The following PLEKHA5 variants were observed in gnomAD, a reference collection of about 807,000 sequenced individuals.
PLEKHA5 encodes the protein pleckstrin homology domain-containing family A member 5.
PLEKHA5 carries 55 observed loss-of-function variants against 181.9 expected under a neutral mutation model. That is an observed-to-expected ratio of 0.30 (90% CI 0.24 to 0.38). The LOEUF (loss-of-function observed/expected upper bound fraction) is 0.38, where lower values mean the gene tolerates loss of function less well. Ranked by LOEUF, PLEKHA5 falls within the 10% of genes least tolerant of loss-of-function variation. The pLI, the probability that PLEKHA5 is intolerant of heterozygous loss-of-function variation, is 1.00. For missense variants in PLEKHA5, 1,432 were observed against 1,549.5 expected, an observed-to-expected ratio of 0.92 and a Z score of 1.27; for synonymous variants, 535 against 529.4, an observed-to-expected ratio of 1.01 and a Z score of -0.15.
intron 20 of PLEKHA5, among the ~76,000 whole-genome samples, chr12:19,331,686 T>C (rs897351864): frequency 7.2e-5 from 11 of 152,152 alleles, no homozygotes; most frequent in Non-Finnish European, 1.6e-4. Context: ...TAAGCACTAT[T>C]AAAATTTACT....
At chr12:19,241,772 AG>A (rs1824310072) in intron 3 of PLEKHA5, among the ~76,000 whole-genome samples, 2 of 146,136 alleles carry the variant, frequency 1.4e-5, no homozygotes, top group South Asian at 2.2e-4. Context: ...AAAAAAAAAA[AG>A]AAAAGAAAAA....
At chr12:19,189,582 C>A (rs1243568596) in intron 3 of PLEKHA5, among the ~76,000 whole-genome samples, 1 of 151,932 alleles carries the variant, frequency 6.6e-6, no homozygotes, top group African/African-American at 2.4e-5. Context: ...ACAAGAGATT[C>A]GTTTTTGGTA....
At position 19,165,067 on chromosome 12, in the gene PLEKHA5, G is replaced by A. The variant is rs186960755; in HGVS notation, c.227+32617G>A. ...AAAACAGCAACAGCAAAAATACCCC[G>A]TTCTGTCCTTCATGAAGACCCCAGT... On this transcript the variant is annotated intron_variant, in intron 3 of 31. Transcript: ENST00000429027. Among the ~76,000 whole-genome samples, 208 of 152,032 alleles carry A rather than the reference G, an allele frequency of 1.4e-3. 1 individual carries two copies. The highest frequency in any genetic ancestry group is 4.7e-3 in the African/African-American group (197 of 41,474).
intron 3 of PLEKHA5, among the ~76,000 whole-genome samples, chr12:19,187,238 A>T (rs2050076136): frequency 6.6e-6 from 1 of 152,204 alleles, no homozygotes; most frequent in African/African-American, 2.4e-5. Context: ...TCCTATCTAA[A>T]TCTAAAATTT....
At chr12:19,344,134 T>C (rs1196437408) in intron 22 of PLEKHA5, among the ~76,000 whole-genome samples, 7 of 152,162 alleles carry the variant, frequency 4.6e-5, no homozygotes, top group Non-Finnish European at 8.8e-5. Context: ...GACCAAAACA[T>C]TGGTATGTGG....
intron 3 of PLEKHA5, among the ~76,000 whole-genome samples, chr12:19,185,990 A>G (rs942681319): frequency 6.6e-6 from 1 of 152,112 alleles, no homozygotes. Flanking sequence ...TTTGGATTGC[A>G]TTTCATTTGT....
chr12:19,281,614 A>T (rs563936345), intron 11 of PLEKHA5, among the ~76,000 whole-genome samples: 2 of 152,032 alleles, frequency 1.3e-5, no homozygotes, highest in African/African-American at 2.4e-5. Flanking sequence ...CACAAATGCT[A>T]ACTTTACGTA....
In PLEKHA5 at chr12:19,254,014, T is replaced by C; in HGVS notation, c.302T>C (p.Val101Ala). Reference protein sequence around the residue: ...QPSQDNCIFVVNEQTVATMTS... With the variant: ...QPSQDNCIFVANEQTVATMTS... The stretch of plus-strand genomic sequence containing the variant: ...TCACAGGACAATTGTATTTTTGTAG[T>C]GAATGAACAGTAAGTAAAGAGTTTC... Residue 101 changes from valine (V) to alanine (A), a missense_variant, in exon 4 of 32, where the codon GTG becomes GCG. Physicochemically the swap from Val to Ala is moderately conservative, Grantham distance 64 (BLOSUM62 0). Around this residue, in one of 2 missense-constraint regions of PLEKHA5, gnomAD observed 289 missense variants for 381.1 expected, o/e 0.76. Coordinates refer to ENST00000429027, the MANE Select transcript of PLEKHA5 (RefSeq NM_001256470.2). 1 of 1,588,292 alleles carries C rather than the reference T, an allele frequency of 6.3e-7. No individual in the cohort carries two copies. The highest frequency in any genetic ancestry group is 2.2e-5 in the East Asian group (1 of 44,652).
At position 19,359,448 on chromosome 12, in the gene PLEKHA5, A is replaced by G; in HGVS notation, c.3385A>G (p.Ile1129Val). Residue 1129 changes from isoleucine to valine, a missense_variant, in exon 28 of 32, where the codon ATT (isoleucine) becomes GTT (valine). Ile to Val is a conservative substitution (Grantham distance 29). This residue lies in a region of PLEKHA5 where 1,143 missense variants were observed against 1,168.4 expected (regional missense o/e 0.98). Transcript: ENST00000429027. ...RRDDKELDTA[I>V]RENDVKPDHE... ...GGATGATAAGGAACTGGACACTGCC[A>G]TTAGAGAAAATGATGTAAAGCCAGA... The G allele has an allele frequency of 6.2e-7, 1 of 1,613,704 alleles. No homozygotes were observed. Among genetic ancestry groups the G allele is most frequent in the Non-Finnish European group, 8.5e-7 (1 of 1,179,610 alleles).
chr12:19,288,102 CTTTA>C (rs1034745700), intron 13 of PLEKHA5: 5 of 272,544 alleles, frequency 1.8e-5, no homozygotes, highest in Non-Finnish European at 2.8e-5. Context: ...AAAAAAGAAA[CTTTA>C]TTGTATGAAC....
chr12:19,297,303 T>G (rs1254938774), intron 15 of PLEKHA5, among the ~76,000 whole-genome samples: 1 of 150,606 alleles, frequency 6.6e-6, no homozygotes, highest in African/African-American at 2.4e-5. Context: ...TCATGACAAA[T>G]CAGTTTGCCA....
At chr12:19,228,977 A>T (rs964187018) in intron 3 of PLEKHA5, among the ~76,000 whole-genome samples, 2 of 152,200 alleles carry the variant, frequency 1.3e-5, no homozygotes, top group Non-Finnish European at 2.9e-5. Flanking sequence ...AAGTGGTTTC[A>T]TTTAAAAGGG....
At chr12:19,143,160 C>T (rs1232865544) in intron 3 of PLEKHA5, among the ~76,000 whole-genome samples, 1 of 152,180 alleles carries the variant, frequency 6.6e-6, no homozygotes, top group Non-Finnish European at 1.5e-5. Flanking sequence ...GATTGTAGAT[C>T]ATATATGGTA....
chr12:19,272,354 A>G (rs1360104636), intron 10 of PLEKHA5, among the ~76,000 whole-genome samples: 1 of 152,170 alleles, frequency 6.6e-6, no homozygotes, highest in Non-Finnish European at 1.5e-5. Context: ...TTCCATTTAG[A>G]GAAAAGTCAT....
intron 3 of PLEKHA5, among the ~76,000 whole-genome samples, chr12:19,236,030 G>A (rs1269639948): frequency 6.6e-6 from 1 of 152,138 alleles, no homozygotes; most frequent in African/African-American, 2.4e-5. Flanking sequence ...AAAGATATCT[G>A]AGCAGTCATC....
intron 15 of PLEKHA5, chr12:19,306,703 T>A: frequency 6.8e-7 from 1 of 1,470,162 alleles, no homozygotes; most frequent in Non-Finnish European, 9.5e-7. Flanking sequence ...TCTCTTCGGT[T>A]TCCTAGGCAA....
intron 3 of PLEKHA5, chr12:19,201,684 C>G (rs1273749082): frequency 2.0e-5 from 3 of 151,996 alleles, no homozygotes; most frequent in Non-Finnish European, 4.4e-5. Context: ...ACTTTAAAAC[C>G]TTGATGCTGC....
chr12:19,225,267 C>T (rs180758818), intron 3 of PLEKHA5, among the ~76,000 whole-genome samples: 139 of 152,234 alleles, frequency 9.1e-4, no homozygotes, highest in African/African-American at 3.2e-3. Context: ...AAACCATTGC[C>T]TACTGCGTGT....
intron 16 of PLEKHA5, 110 bp downstream of exon 16, chr12:19,315,004 A>AT: frequency 1.5e-6 from 1 of 679,610 alleles, no homozygotes; most frequent in African/African-American, 1.8e-5. Context: ...TTCTTATTTT[A>AT]TTTTTTGTTT....
Sources: allele counts gnomAD v4.1 joint callset (sites outside exome capture counted in the v4.1 genomes callset), GRCh38; gene constraint gnomAD v4.1.1; regional missense constraint gnomAD v4.1.1; transcripts MANE v1.5; gene names NCBI Gene and HGNC (gene_info 2026-07-23, HGNC 2026-07-21).